RPS6KC1: variants seen among roughly 807,000 people sequenced by gnomAD.
RPS6KC1 encodes the protein ribosomal protein S6 kinase C1.
In RPS6KC1, 54 loss-of-function variants were observed where a neutral mutation model predicts 103.8. The ratio of observed to expected loss-of-function variants is 0.52; its 90% CI spans 0.42 to 0.65. The LOEUF is 0.65. Among genes scored for constraint, RPS6KC1 ranks in the 30% least tolerant of loss-of-function variants. RPS6KC1 has a pLI of 0.00. For missense variants in RPS6KC1, 1,151 were observed against 1,253.8 expected (o/e 0.92, Z 1.24); for synonymous variants, 439 against 438.7 (o/e 1.00, Z -0.01).
the RPS6KC1 span, among the ~76,000 whole-genome samples, chr1:213,383,706 T>C: frequency 6.6e-6 from 1 of 152,020 alleles, no homozygotes; most frequent in Admixed American, 6.6e-5. Flanking sequence ...AGTGTCCCTA[T>C]AAGAAGAGAC....
chr1:213,171,816 C>T (rs1450477416), intron 7 of RPS6KC1, among the ~76,000 whole-genome samples: 1 of 152,108 alleles, frequency 6.6e-6, no homozygotes, highest in Non-Finnish European at 1.5e-5. Context: ...TGACCTAGTG[C>T]GGCTCAGGAG....
chr1:213,682,963 G>A, the RPS6KC1 span, among the ~76,000 whole-genome samples: 5 of 152,166 alleles, frequency 3.3e-5, no homozygotes, highest in African/African-American at 1.2e-4. Flanking sequence ...TTGTGTGTGT[G>A]AATTACAAAC....
the RPS6KC1 span, among the ~76,000 whole-genome samples, chr1:213,856,023 T>C: frequency 6.6e-6 from 1 of 152,164 alleles, no homozygotes; most frequent in Admixed American, 6.5e-5. Context: ...GATATGTGAT[T>C]AGGTGACGAG....
At chr1:213,179,175 G>A (rs1486667978) in intron 8 of RPS6KC1, among the ~76,000 whole-genome samples, 1 of 152,092 alleles carries the variant, frequency 6.6e-6, no homozygotes, top group Non-Finnish European at 1.5e-5. Context: ...AGCACTTTGG[G>A]AGGCCGAGGC....
At chr1:213,368,200 C>T in the RPS6KC1 span, among the ~76,000 whole-genome samples, 3 of 152,190 alleles carry the variant, frequency 2.0e-5, no homozygotes, top group Admixed American at 6.5e-5. Context: ...TAAAAGACCA[C>T]GTATTTCAGC....
chr1:213,129,594 T>C lies in RPS6KC1; in HGVS notation c.540T>C (p.Asp180=). The C allele has an allele frequency of 6.2e-7, 1 of 1,614,062 alleles. No individual in the cohort carries two copies. Among genetic ancestry groups the C allele is most frequent in the Non-Finnish European group, 8.5e-7 (1 of 1,179,938 alleles). The change falls in exon 6 of 15, where the codon GAT becomes GAC. Residue 180 remains aspartate, a synonymous_variant. Transcript: ENST00000366960. ...VDVDSLAELD[D]GMASNQNSPI... is the part of the protein sequence containing the mutation. ...TGGATTCTCTTGCTGAGTTAGATGA[T>C]GGAATGGCTTCCAATCAAAATTCTC...
At chr1:213,767,086 A>G in the RPS6KC1 span, among the ~76,000 whole-genome samples, 1 of 151,946 alleles carries the variant, frequency 6.6e-6, no homozygotes, top group African/African-American at 2.4e-5. Flanking sequence ...AGGCCTTGTT[A>G]CCTAATGCCT....
the RPS6KC1 span, among the ~76,000 whole-genome samples, chr1:213,456,772 C>T: frequency 6.6e-6 from 1 of 152,126 alleles, no homozygotes; most frequent in Non-Finnish European, 1.5e-5. Flanking sequence ...GCAATAATTC[C>T]ATTTTTAATA....
the RPS6KC1 span, among the ~76,000 whole-genome samples, chr1:213,578,684 T>G: frequency 6.6e-6 from 1 of 150,918 alleles, no homozygotes; most frequent in African/African-American, 2.4e-5. Flanking sequence ...GCCCCTTCAT[T>G]TTGGCCAATT....
At chr1:213,327,462 T>G in the RPS6KC1 span, among the ~76,000 whole-genome samples, 1 of 152,370 alleles carries the variant, frequency 6.6e-6, no homozygotes, top group African/African-American at 2.4e-5. Context: ...ATGGGGCCTC[T>G]GACTCACACA....
the RPS6KC1 span, among the ~76,000 whole-genome samples, chr1:213,348,876 A>G: frequency 1.3e-5 from 2 of 152,248 alleles, no homozygotes; most frequent in Non-Finnish European, 2.9e-5. Flanking sequence ...TGCTTAGCAC[A>G]GTGTCTGGAC....
intron 12 of RPS6KC1, among the ~76,000 whole-genome samples, chr1:213,251,599 T>C (rs1386155148): frequency 6.6e-6 from 1 of 152,214 alleles, no homozygotes; most frequent in East Asian, 1.9e-4. Context: ...CTAATCTTTG[T>C]TTCTTCCTGC....
At chr1:213,605,013 C>T in the RPS6KC1 span, among the ~76,000 whole-genome samples, 9 of 152,206 alleles carry the variant, frequency 5.9e-5, no homozygotes. Context: ...TGGTCTGGAA[C>T]ATTCTTTCCC....
chr1:213,253,508 T>A (rs2094580356), intron 12 of RPS6KC1, among the ~76,000 whole-genome samples: 1 of 152,240 alleles, frequency 6.6e-6, no homozygotes, highest in Admixed American at 6.5e-5. Context: ...TGGAAACGTT[T>A]TCGATTAAAG....
At chr1:213,339,914 C>T in the RPS6KC1 span, among the ~76,000 whole-genome samples, 2 of 151,722 alleles carry the variant, frequency 1.3e-5, no homozygotes, top group Non-Finnish European at 2.9e-5. Flanking sequence ...TCTCTCAAGA[C>T]GGAGTCTTGC....
chr1:213,062,971 ATTAT>A, intron 1 of RPS6KC1, among the ~76,000 whole-genome samples: 1 of 152,294 alleles, frequency 6.6e-6, no homozygotes, highest in East Asian at 1.9e-4. Context: ...TGACCTGTTG[ATTAT>A]TATGGAACTG....
intron 12 of RPS6KC1, among the ~76,000 whole-genome samples, chr1:213,257,083 A>G (rs2094663386): frequency 6.6e-6 from 1 of 152,128 alleles, no homozygotes; most frequent in African/African-American, 2.4e-5. Flanking sequence ...TCCCCTCCCC[A>G]CATACAAAAG....
chr1:213,179,914 A>G lies in RPS6KC1; in HGVS notation c.1044+3422A>G, dbSNP rs115929960. Among the ~76,000 whole-genome samples the G allele has an allele frequency of 5.7e-3, 870 of 152,220 alleles. 8 individuals are homozygous for G. The highest frequency in any genetic ancestry group is 0.02 in the African/African-American group (830 of 41,526). On this transcript the variant is annotated intron_variant, in intron 8 of 14. Transcript: ENST00000366960. ...ATGAATTGAAACTTAATTAATTTTAAATATATATAGAATGACATCTACTGG... is the reference window on the plus strand; with the variant it reads ...ATGAATTGAAACTTAATTAATTTTAGATATATATAGAATGACATCTACTGG...
the RPS6KC1 span, among the ~76,000 whole-genome samples, chr1:213,512,436 T>C: frequency 6.6e-6 from 1 of 152,168 alleles, no homozygotes; most frequent in South Asian, 2.1e-4. Context: ...ACTCAGCCCT[T>C]TCTGAGTGGC....
Sources: allele counts gnomAD v4.1 joint callset (sites outside exome capture counted in the v4.1 genomes callset), GRCh38; gene constraint gnomAD v4.1.1; transcripts MANE v1.5; gene names NCBI Gene and HGNC (gene_info 2026-07-23, HGNC 2026-07-21).